EDA2R: variants seen among roughly 807,000 people sequenced by gnomAD.
EDA2R encodes the protein ectodysplasin A2 receptor, also known as tumor necrosis factor receptor superfamily member 27.
Under a neutral mutation model 20.1 loss-of-function variants are expected in EDA2R, and 26 were observed. The observed-to-expected ratio is 1.30, with a 90% confidence interval of 0.95 to 1.80. The LOEUF is 1.80. Among genes scored for constraint, EDA2R ranks in the 40% most tolerant of loss-of-function variants. The pLI, the probability that EDA2R is intolerant of heterozygous loss-of-function variation, is 0.00. For missense variants in EDA2R, 277 were observed against 228.7 expected (o/e 1.21, Z -1.36); for synonymous variants, 114 against 88.7 (o/e 1.29, Z -1.60).
chrX:66,613,788 G>A (rs1458278940), intron 2 of EDA2R, among the ~76,000 whole-genome samples: 1 of 111,767 alleles, frequency 8.9e-6, no homozygotes, highest in Non-Finnish European at 1.9e-5. Context: ...AATGTCCTGA[G>A]GAAATGGTGT....
chrX:66,638,719 G>A (rs769652142), intron 1 of EDA2R, among the ~76,000 whole-genome samples: 2 of 110,905 alleles, frequency 1.8e-5, no homozygotes, highest in South Asian at 3.9e-4. Context: ...TGTTGGACAC[G>A]TCCAGGCATG....
At chrX:66,606,483 C>T (rs1055356341) in intron 2 of EDA2R, among the ~76,000 whole-genome samples, 5 of 111,650 alleles carry the variant, frequency 4.5e-5, no homozygotes, top group Non-Finnish European at 7.5e-5. Flanking sequence ...AGAATGATAG[C>T]GGAAGCCAGA....
chrX:66,596,934 T>C lies in EDA2R; in HGVS notation c.*1170A>G, dbSNP rs1371050677. 8.9e-6 allele frequency: 1 copy of C among 112,671 alleles called. No homozygotes were observed. The highest frequency in any genetic ancestry group is 3.2e-5 in the African/African-American group (1 of 31,036). The allele number at this position is 112,671 out of a possible 1,213,427, so 9.3% of individuals were successfully genotyped here. On this transcript the variant is annotated 3_prime_UTR_variant, in exon 7 of 7. Transcript: ENST00000374719. Reference sequence around the variant, plus strand: ...TTTGCTTTTTCCCAAGTCCTTTTAGTAATCTGATCAATTGGTTGCCCCAGG... The same window carrying C: ...TTTGCTTTTTCCCAAGTCCTTTTAGCAATCTGATCAATTGGTTGCCCCAGG...
chrX:66,626,117 C>A (rs1246318528), intron 1 of EDA2R, among the ~76,000 whole-genome samples: 1 of 111,433 alleles, frequency 9.0e-6, no homozygotes, highest in Non-Finnish European at 1.9e-5. Flanking sequence ...CTTTAACACC[C>A]CCCAAAAATC....
Position 66,599,796 on chromosome X carries a change from G to A in EDA2R, c.582C>T (p.Pro194=). The A allele has an allele frequency of 8.3e-7, 1 of 1,208,796 alleles. No individual in the cohort carries two copies. The highest frequency in any genetic ancestry group is 1.1e-6 in the Non-Finnish European group (1 of 894,212). ...GGGACTCAGCACTGGTCTCCTTGCT[G>A]GGTGGCACGGGGAAGAGAGATTCCT... ...AKEESLFPVP[P]SKETSAESQV... Residue 194 remains proline, a synonymous_variant, in exon 6 of 7, where the codon CCC becomes CCT. Transcript: ENST00000374719.
At chrX:66,635,099 T>C (rs1934200773) in intron 1 of EDA2R, among the ~76,000 whole-genome samples, 1 of 111,836 alleles carries the variant, frequency 8.9e-6, no homozygotes, top group Admixed American at 9.5e-5. Flanking sequence ...CATCCCAAGA[T>C]AGGGAGAATT....
intron 5 of EDA2R, among the ~76,000 whole-genome samples, chrX:66,602,223 A>T (rs930809223): frequency 8.9e-6 from 1 of 111,773 alleles, no homozygotes; most frequent in Admixed American, 9.5e-5. Context: ...AAAAGAACCC[A>T]GAAATCAACA....
chrX:66,613,744 G>A (rs759983057), intron 2 of EDA2R, among the ~76,000 whole-genome samples: 3 of 111,469 alleles, frequency 2.7e-5, no homozygotes, highest in East Asian at 2.8e-4. Context: ...AAAATCGTAC[G>A]CATTATTTAG....
At chrX:66,609,432 G>A (rs1246497048) in intron 2 of EDA2R, among the ~76,000 whole-genome samples, 2 of 111,490 alleles carry the variant, frequency 1.8e-5, no homozygotes, top group African/African-American at 6.5e-5. Context: ...AATGGGATCT[G>A]ACATGGGCAG....
chrX:66,637,427 C>T (rs755281750), intron 1 of EDA2R, among the ~76,000 whole-genome samples: 2 of 111,696 alleles, frequency 1.8e-5, no homozygotes, highest in East Asian at 2.8e-4. Flanking sequence ...GAGGATCTGA[C>T]GTTTTTTTTA....
At chrX:66,608,719 C>A (rs1473216581) in intron 2 of EDA2R, among the ~76,000 whole-genome samples, 2 of 111,544 alleles carry the variant, frequency 1.8e-5, no homozygotes, top group African/African-American at 3.3e-5. Context: ...GGAGAGTAAC[C>A]CAAAGCCATG....
At chrX:66,610,509 A>G (rs1020258329) in intron 2 of EDA2R, among the ~76,000 whole-genome samples, 3 of 112,008 alleles carry the variant, frequency 2.7e-5, no homozygotes, top group Non-Finnish European at 5.6e-5. Flanking sequence ...GAAGGGAATG[A>G]CAAAAGCAAG....
chrX:66,598,913 C>T (rs181409666), intron 6 of EDA2R, among the ~76,000 whole-genome samples: 258 of 111,532 alleles, frequency 2.3e-3, no homozygotes, highest in African/African-American at 7.8e-3. Context: ...TGGAGTTGAA[C>T]CAACTCTAAA....
At chrX:66,623,853 T>A (rs2147925617) in intron 1 of EDA2R, among the ~76,000 whole-genome samples, 1 of 112,512 alleles carries the variant, frequency 8.9e-6, no homozygotes. Context: ...CTCTCTCAAA[T>A]TTTCACCTTC....
At chrX:66,632,142 G>C (rs976058620) in intron 1 of EDA2R, among the ~76,000 whole-genome samples, 1 of 112,132 alleles carries the variant, frequency 8.9e-6, no homozygotes, top group African/African-American at 3.2e-5. Flanking sequence ...AAAGAAGAAT[G>C]GCTGGATGCA....
chrX:66,632,837 T>C (rs968016276), intron 1 of EDA2R, among the ~76,000 whole-genome samples: 1 of 111,877 alleles, frequency 8.9e-6, no homozygotes, highest in Non-Finnish European at 1.9e-5. Flanking sequence ...CACAGGTGGG[T>C]ACTACAGTTT....
chrX:66,599,436 CT>C, intron 6 of EDA2R, 37 bp downstream of exon 6: 1 of 1,037,702 alleles, frequency 9.6e-7, no homozygotes, highest in Non-Finnish European at 1.2e-6. Flanking sequence ...TTCTGTTTTG[CT>C]TTTTTTGTTT....
At chrX:66,638,627 A>G (rs1934571623) in intron 1 of EDA2R, among the ~76,000 whole-genome samples, 1 of 111,007 alleles carries the variant, frequency 9.0e-6, no homozygotes. Flanking sequence ...AGGATGCTCC[A>G]CAAGTCTGAT....
At position 66,610,607 on chromosome X, in the gene EDA2R, T is replaced by A. The variant is rs748922556; in HGVS notation, c.87+5327A>T. Among the ~76,000 whole-genome samples, 9 of 111,875 alleles carry A rather than the reference T, an allele frequency of 8.0e-5. No individual in the cohort carries two copies. The South Asian group carries it at 3.4e-3, about 42-fold the overall frequency. Reference sequence around the variant, plus strand: ...ACTCCCTTTCATTTTATTGGTTAACTCAGAAAACATTTTTGAAGCAACTAC... The same window carrying A: ...ACTCCCTTTCATTTTATTGGTTAACACAGAAAACATTTTTGAAGCAACTAC... On this transcript the variant is annotated intron_variant, in intron 2 of 6. Transcript: ENST00000374719.
Sources: allele counts gnomAD v4.1 joint callset (sites outside exome capture counted in the v4.1 genomes callset), GRCh38; gene constraint gnomAD v4.1.1; transcripts MANE v1.5; gene names NCBI Gene and HGNC (gene_info 2026-07-23, HGNC 2026-07-21).